The following ELMO1 variants were observed in gnomAD, a reference collection of about 807,000 sequenced individuals.
The protein encoded by ELMO1 is engulfment and cell motility 1.
ELMO1 carries 26 observed loss-of-function variants against 98.9 expected under a neutral mutation model. The observed-to-expected ratio is 0.26, with a 90% CI of 0.19 to 0.36. The LOEUF (loss-of-function observed/expected upper bound fraction) is 0.36, where lower values mean the gene tolerates loss of function less well. ELMO1 is among the 10% of genes least tolerant of loss of function. The pLI, the probability that ELMO1 is intolerant of heterozygous loss-of-function variation, is 1.00. For synonymous variants in ELMO1, 346 were observed against 346.0 expected, an observed-to-expected ratio of 1.00 and a Z score of 0.00; for missense variants, 627 against 935.2, an observed-to-expected ratio of 0.67 and a Z score of 4.30.
At chr7:37,386,798 G>A (rs1290736865) in intron 1 of ELMO1, among the ~76,000 whole-genome samples, 2 of 152,174 alleles carry the variant, frequency 1.3e-5, no homozygotes, top group Non-Finnish European at 2.9e-5. Context: ...GCCGAATTTT[G>A]GTTGGAGCCT....
intron 16 of ELMO1, among the ~76,000 whole-genome samples, chr7:36,936,486 C>T (rs912577973): frequency 6.6e-6 from 1 of 152,154 alleles, no homozygotes; most frequent in African/African-American, 2.4e-5. Context: ...AGATGGGGGT[C>T]TCGCTCTGTT....
At chr7:37,133,445 T>C (rs1351610101) in intron 13 of ELMO1, among the ~76,000 whole-genome samples, 1 of 152,206 alleles carries the variant, frequency 6.6e-6, no homozygotes, top group Non-Finnish European at 1.5e-5. Flanking sequence ...CCAGATTTTA[T>C]ACCTGGGATT....
At chr7:36,871,646 TC>T (rs1425714298) in intron 19 of ELMO1, among the ~76,000 whole-genome samples, 1 of 152,156 alleles carries the variant, frequency 6.6e-6, no homozygotes, top group Non-Finnish European at 1.5e-5. Context: ...CAGTTAAAGC[TC>T]ACATCCTTTC....
chr7:37,244,560 GTTCT>G (rs1794903293), intron 6 of ELMO1, among the ~76,000 whole-genome samples, 169 bp from the exon 7 acceptor site: 1 of 152,158 alleles, frequency 6.6e-6, no homozygotes, highest in South Asian at 2.1e-4. Flanking sequence ...ATAAACTGGT[GTTCT>G]TTAATGATCA....
At chr7:37,265,247 G>A (rs1796177445) in intron 5 of ELMO1, among the ~76,000 whole-genome samples, 1 of 152,084 alleles carries the variant, frequency 6.6e-6, no homozygotes, top group Non-Finnish European at 1.5e-5. Context: ...TCAGAAGTCA[G>A]CTCTTCCCCT....
At chr7:37,376,099 A>C (rs538691362) in intron 1 of ELMO1, 21 of 331,486 alleles carry the variant, frequency 6.3e-5, no homozygotes, top group South Asian at 5.4e-4. Flanking sequence ...ACAAACAAAC[A>C]AAAAAAACAC....
chr7:37,371,977 T>C (rs1472582920), intron 1 of ELMO1, among the ~76,000 whole-genome samples: 1 of 152,164 alleles, frequency 6.6e-6, no homozygotes, highest in Non-Finnish European at 1.5e-5. Flanking sequence ...TCTCTCAGTG[T>C]CCCTGTTACT....
chr7:37,059,167 T>A (rs911641491), intron 15 of ELMO1, among the ~76,000 whole-genome samples: 7 of 152,300 alleles, frequency 4.6e-5, no homozygotes, highest in African/African-American at 1.7e-4. Flanking sequence ...TATTGATGAG[T>A]ATTTTAAATA....
intron 15 of ELMO1, among the ~76,000 whole-genome samples, chr7:37,060,252 C>T (rs1796597870): frequency 6.6e-6 from 1 of 152,152 alleles, no homozygotes; most frequent in Admixed American, 6.5e-5. Flanking sequence ...CAGTTCTTTT[C>T]TTTTCAGTTG....
chr7:37,251,918 G>A (rs893690526), intron 6 of ELMO1, among the ~76,000 whole-genome samples: 2 of 152,104 alleles, frequency 1.3e-5, no homozygotes, highest in African/African-American at 4.8e-5. Flanking sequence ...AAAATCACAG[G>A]CATTCCTATA....
intron 13 of ELMO1, among the ~76,000 whole-genome samples, chr7:37,146,911 A>T (rs1002500302): frequency 1.2e-3 from 176 of 152,246 alleles, no homozygotes; most frequent in African/African-American, 4.1e-3. Context: ...GGTACCTGTT[A>T]TGGTTCTCAT....
At chr7:36,897,072 G>A (rs970644165) in intron 16 of ELMO1, among the ~76,000 whole-genome samples, 1 of 152,196 alleles carries the variant, frequency 6.6e-6, no homozygotes, top group African/African-American at 2.4e-5. Flanking sequence ...CATGTCATGT[G>A]TTTCTTAAGG....
intron 15 of ELMO1, among the ~76,000 whole-genome samples, chr7:37,059,026 G>A (rs1437459805): frequency 6.6e-6 from 1 of 152,130 alleles, no homozygotes; most frequent in Non-Finnish European, 1.5e-5. Flanking sequence ...GTCCCACTCG[G>A]GCCACCTGAG....
intron 4 of ELMO1, among the ~76,000 whole-genome samples, chr7:37,286,405 A>T (rs368376955): frequency 1.8e-4 from 27 of 152,354 alleles, no homozygotes; most frequent in African/African-American, 6.3e-4. Flanking sequence ...AGCCCCTGGC[A>T]AGCAATAGGT....
intron 16 of ELMO1, among the ~76,000 whole-genome samples, chr7:36,920,291 T>C (rs1490759917): frequency 6.6e-6 from 1 of 152,246 alleles, no homozygotes; most frequent in Non-Finnish European, 1.5e-5. Flanking sequence ...TTTGGATTAA[T>C]TGTTTCATTG....
chr7:37,090,800 A>G (rs1183920624), intron 15 of ELMO1, among the ~76,000 whole-genome samples: 1 of 152,196 alleles, frequency 6.6e-6, no homozygotes, highest in Non-Finnish European at 1.5e-5. Flanking sequence ...CTCAAATGTA[A>G]TGTTACAAAT....
chr7:36,920,349 G>A (rs940873217), intron 16 of ELMO1, among the ~76,000 whole-genome samples: 2 of 152,204 alleles, frequency 1.3e-5, no homozygotes, highest in Non-Finnish European at 2.9e-5. Context: ...GCCTCTGGAG[G>A]AAGAGGCTGA....
intron 1 of ELMO1, among the ~76,000 whole-genome samples, chr7:37,446,443 C>A (rs1234408995): frequency 6.6e-6 from 1 of 152,102 alleles, no homozygotes; most frequent in East Asian, 1.9e-4. Flanking sequence ...CCAGGGAAGG[C>A]CCCCTATAAG....
At chr7:37,120,140 A>G (rs1321279033) in intron 14 of ELMO1, among the ~76,000 whole-genome samples, 1 of 152,216 alleles carries the variant, frequency 6.6e-6, no homozygotes, top group Non-Finnish European at 1.5e-5. Context: ...CAGTTTAATT[A>G]AGAAAATATT....
Sources: allele counts gnomAD v4.1 joint callset (sites outside exome capture counted in the v4.1 genomes callset), GRCh38; gene constraint gnomAD v4.1.1; transcripts MANE v1.5; gene names NCBI Gene and HGNC (gene_info 2026-07-23, HGNC 2026-07-21).